MAML3: variants seen among roughly 807,000 people sequenced by gnomAD.
The protein encoded by MAML3 is mastermind-like protein 3.
Under a neutral mutation model 101.9 loss-of-function variants are expected in MAML3, and 27 were observed. That is an observed-to-expected ratio of 0.27 (90% CI 0.20 to 0.37). MAML3 has a LOEUF of 0.37. MAML3 is among the 10% of genes least tolerant of loss of function. The pLI, the probability that MAML3 is intolerant of heterozygous loss-of-function variation, is 1.00. For missense variants in MAML3, 1,316 were observed against 1,444.9 expected, an observed-to-expected ratio of 0.91 and a Z score of 1.45; for synonymous variants, 501 against 555.9, an observed-to-expected ratio of 0.90 and a Z score of 1.39.
intron 2 of MAML3, among the ~76,000 whole-genome samples, chr4:139,817,677 G>A (rs1730913155): frequency 6.6e-6 from 1 of 152,158 alleles, no homozygotes; most frequent in South Asian, 2.1e-4. Flanking sequence ...CGGGTTAGGG[G>A]GATGCTTTAA....
At chr4:140,127,231 C>T (rs1188245028) in intron 1 of MAML3, among the ~76,000 whole-genome samples, 1 of 152,246 alleles carries the variant, frequency 6.6e-6, no homozygotes, top group Non-Finnish European at 1.5e-5. Flanking sequence ...ACTCATGATT[C>T]CCTGCTCATG....
chr4:140,017,259 T>C (rs927809748), intron 1 of MAML3, among the ~76,000 whole-genome samples: 1 of 152,150 alleles, frequency 6.6e-6, no homozygotes, highest in Non-Finnish European at 1.5e-5. Flanking sequence ...GACATCACTA[T>C]ACACTTAGCA....
chr4:139,969,270 C>T (rs1049797325), intron 1 of MAML3, among the ~76,000 whole-genome samples: 3 of 151,506 alleles, frequency 2.0e-5, no homozygotes, highest in South Asian at 2.1e-4. Flanking sequence ...CCATCCCCGC[C>T]GTGGGATAGG....
chr4:140,137,182 A>G (rs1019355159), intron 1 of MAML3, among the ~76,000 whole-genome samples: 24 of 151,956 alleles, frequency 1.6e-4, no homozygotes, highest in East Asian at 1.2e-3. Context: ...TAGAGACGGG[A>G]TTTCACCGTG....
intron 2 of MAML3, among the ~76,000 whole-genome samples, chr4:139,861,477 A>ATGTG (rs55851938): frequency 0.27 from 39,894 of 146,278 alleles, 6,274 homozygotes; most frequent in Non-Finnish European, 0.37. Flanking sequence ...TAACCAGCCG[A>ATGTG]TGTGTGTGTG....
At chr4:139,815,756 T>G (rs1730881690) in intron 2 of MAML3, among the ~76,000 whole-genome samples, 1 of 152,176 alleles carries the variant, frequency 6.6e-6, no homozygotes, top group African/African-American at 2.4e-5. Context: ...AGTTAAAAGT[T>G]TTAGTTCAAA....
intron 2 of MAML3, among the ~76,000 whole-genome samples, chr4:139,788,758 T>C (rs370029405): frequency 9.3e-4 from 141 of 152,366 alleles, no homozygotes; most frequent in African/African-American, 3.1e-3. Flanking sequence ...CTTTTGTTCC[T>C]AGAACAGAAG....
intron 1 of MAML3, among the ~76,000 whole-genome samples, chr4:139,908,058 C>T (rs1158136939): frequency 6.6e-6 from 1 of 152,134 alleles, no homozygotes; most frequent in East Asian, 1.9e-4. Context: ...TCTCTCATGG[C>T]CAAGCTGTAT....
chr4:139,959,498 TGA>T (rs2110771950), intron 1 of MAML3, among the ~76,000 whole-genome samples: 1 of 152,292 alleles, frequency 6.6e-6, no homozygotes, highest in Non-Finnish European at 1.5e-5. Context: ...GCTTTCAAGG[TGA>T]GATTTCAGGT....
intron 1 of MAML3, among the ~76,000 whole-genome samples, chr4:140,114,561 C>T (rs1055728456): frequency 6.6e-6 from 1 of 152,226 alleles, no homozygotes; most frequent in South Asian, 2.1e-4. Flanking sequence ...TGAAACCCTC[C>T]GTACCTTTGA....
intron 2 of MAML3, among the ~76,000 whole-genome samples, chr4:139,853,641 G>A (rs1329902625): frequency 6.6e-6 from 1 of 152,120 alleles, no homozygotes; most frequent in Non-Finnish European, 1.5e-5. Context: ...ACACCTCAGT[G>A]TTATTAGCAC....
At chr4:139,968,319 A>G (rs1021855904) in intron 1 of MAML3, among the ~76,000 whole-genome samples, 2 of 151,746 alleles carry the variant, frequency 1.3e-5, no homozygotes, top group Non-Finnish European at 2.9e-5. Flanking sequence ...TAAAAAAAAA[A>G]AAAAAAAGAA....
chr4:139,899,279 C>T (rs371158767), intron 1 of MAML3, among the ~76,000 whole-genome samples: 2 of 152,164 alleles, frequency 1.3e-5, no homozygotes, highest in East Asian at 1.9e-4. Context: ...ACTCTGGGGG[C>T]TCTCATAAAC....
chr4:139,957,159 G>A (rs1733930555), intron 1 of MAML3, among the ~76,000 whole-genome samples: 1 of 152,288 alleles, frequency 6.6e-6, no homozygotes, highest in South Asian at 2.1e-4. Context: ...AACAGAAAAC[G>A]GAAGGAAAAT....
rs1208793292 is a variant in MAML3 at position 139,981,122 on chromosome 4, G to GA, written c.469-90156dup. On this transcript the variant is annotated intron_variant, in intron 1 of 4. Coordinates refer to ENST00000509479, the MANE Select transcript of MAML3 (RefSeq NM_018717.5). The stretch of plus-strand genomic sequence containing the variant: ...TATTTTCTCAGCGTTCTGGAGTCTG[G>GA]AAGCCCAAGATCAAGGTCCTGGCAA... Among the ~76,000 whole-genome samples, 4 of 152,290 alleles carry GA rather than the reference G, an allele frequency of 2.6e-5. No homozygotes were observed. In the East Asian group the frequency reaches 5.8e-4, roughly 22 times the overall value.
At chr4:140,079,526 T>C in intron 1 of MAML3, among the ~76,000 whole-genome samples, 1 of 152,124 alleles carries the variant, frequency 6.6e-6, no homozygotes, top group Non-Finnish European at 1.5e-5. Flanking sequence ...ACTCCTAACC[T>C]CAAGTGATCT....
chr4:140,028,201 A>G (rs2110887278), intron 1 of MAML3, among the ~76,000 whole-genome samples: 1 of 152,310 alleles, frequency 6.6e-6, no homozygotes, highest in South Asian at 2.1e-4. Context: ...TTTTATTTTT[A>G]CTATACATTA....
chr4:139,989,751 G>A (rs1734622599), intron 1 of MAML3, among the ~76,000 whole-genome samples: 1 of 151,828 alleles, frequency 6.6e-6, no homozygotes, highest in Admixed American at 6.6e-5. Flanking sequence ...GGGAACACGT[G>A]AATATATTCA....
At chr4:139,886,165 G>A (rs1732335271) in intron 2 of MAML3, among the ~76,000 whole-genome samples, 1 of 151,770 alleles carries the variant, frequency 6.6e-6, no homozygotes, top group Non-Finnish European at 1.5e-5. Flanking sequence ...GAGTGTGGGA[G>A]GCAGGTTTTA....
Sources: allele counts gnomAD v4.1 joint callset (sites outside exome capture counted in the v4.1 genomes callset), GRCh38; gene constraint gnomAD v4.1.1; transcripts MANE v1.5; gene names NCBI Gene and HGNC (gene_info 2026-07-23, HGNC 2026-07-21).